Variants in USH2A observed in about 807,000 individuals in gnomAD.
USH2A encodes Usher syndrome 2A (autosomal recessive, mild).
In USH2A, 443 loss-of-function variants were observed where a neutral mutation model predicts 538.9. The ratio of observed to expected loss-of-function variants is 0.82; its 90% confidence interval spans 0.76 to 0.89. The LOEUF (loss-of-function observed/expected upper bound fraction) is 0.89. Ranked by LOEUF, USH2A falls within the 40% of genes least tolerant of loss-of-function variation. The pLI, the probability that USH2A is intolerant of heterozygous loss-of-function variation, is 0.00. For synonymous variants in USH2A, 2,413 were observed against 2,273.5 expected, an observed-to-expected ratio of 1.06 and a Z score of -1.75; for missense variants, 6,633 against 6,324.8, an observed-to-expected ratio of 1.05 and a Z score of -1.65.
intron 44 of USH2A, among the ~76,000 whole-genome samples, chr1:215,851,243 G>A (rs1664008260): frequency 6.6e-6 from 1 of 151,924 alleles, no homozygotes; most frequent in South Asian, 2.1e-4. Flanking sequence ...CAATACAAAA[G>A]ATAAATGAAA....
intron 55 of USH2A, among the ~76,000 whole-genome samples, chr1:215,767,904 CTT>C (rs1214971185): frequency 6.6e-6 from 1 of 152,080 alleles, no homozygotes; most frequent in Non-Finnish European, 1.5e-5. Context: ...CCAAAGCTCT[CTT>C]TGAGAAAAAA....
At chr1:216,006,799 G>T (rs1668402335) in intron 32 of USH2A, among the ~76,000 whole-genome samples, 1 of 152,118 alleles carries the variant, frequency 6.6e-6, no homozygotes, top group Non-Finnish European at 1.5e-5. Context: ...TGTTCAATGG[G>T]TACTGAGATC....
rs374568805 is a variant in USH2A at position 216,329,590 on chromosome 1, T to G, written c.785-1936A>C. Among the ~76,000 whole-genome samples the G allele has an allele frequency of 6.2e-4, 95 of 152,182 alleles. 1 individual carries two copies. The highest frequency in any genetic ancestry group is 2.3e-3 in the African/African-American group (94 of 41,536). On this transcript the variant is annotated intron_variant, in intron 4 of 71. Transcript: ENST00000307340. ...ATCCCTAACCATGCTCAGTTCTTCC[T>G]CTCCTAGCATCCTTTACACCCCACA... is the stretch of plus-strand genomic sequence containing the variant.
In USH2A at chr1:215,909,080, ATG is replaced by A. The variant is rs1210577937; in HGVS notation, c.7301-8177_7301-8176del. On this transcript the variant is annotated intron_variant, in intron 38 of 71. Coordinates refer to ENST00000307340, the MANE Select transcript of USH2A (RefSeq NM_206933.4). ...TAATTACATATGACTGATATAATGTATGTGTGTGTATATATATAATAATTCAT... is the reference window on the plus strand; with the variant it reads ...TAATTACATATGACTGATATAATGTATGTGTGTATATATATAATAATTCAT... 4.0e-5 allele frequency among the ~76,000 whole-genome samples: 6 copies of A among 151,016 alleles called. No individual in the cohort carries two copies. The Admixed American group carries it at 4.0e-4, about 10-fold the overall frequency.
chr1:216,088,944 A>C, intron 23 of USH2A, 69 bp downstream of exon 23: 1 of 1,596,100 alleles, frequency 6.3e-7, no homozygotes, highest in South Asian at 1.1e-5. Flanking sequence ...GTAGGAATAT[A>C]AACAACAGAA....
intron 47 of USH2A, among the ~76,000 whole-genome samples, chr1:215,832,472 T>C (rs1246262227): frequency 6.6e-5 from 10 of 151,964 alleles, no homozygotes. Flanking sequence ...ACAAACTAGT[T>C]CAATAATTTA....
chr1:216,262,945 C>T (rs2036402570), intron 11 of USH2A, among the ~76,000 whole-genome samples: 2 of 151,974 alleles, frequency 1.3e-5, no homozygotes, highest in African/African-American at 4.8e-5. Flanking sequence ...AAAAAGGAGA[C>T]ACTACAACTG....
chr1:216,333,397 T>C (rs1294887504), intron 4 of USH2A, among the ~76,000 whole-genome samples: 1 of 152,004 alleles, frequency 6.6e-6, no homozygotes, highest in Admixed American at 6.6e-5. Flanking sequence ...TACAGGTCAA[T>C]TGAGATTATT....
intron 6 of USH2A, among the ~76,000 whole-genome samples, chr1:216,324,653 G>T (rs1446379724): frequency 1.3e-5 from 2 of 152,020 alleles, no homozygotes; most frequent in South Asian, 2.1e-4. Flanking sequence ...TTTAGAAAAA[G>T]CACCTTAGTT....
intron 61 of USH2A, among the ~76,000 whole-genome samples, chr1:215,690,529 C>G (rs1277708263): frequency 6.6e-6 from 1 of 152,086 alleles, no homozygotes. Flanking sequence ...TGAGTGTAGC[C>G]TGGGCAACAT....
At chr1:215,890,584 G>T (rs558257567) in intron 40 of USH2A, among the ~76,000 whole-genome samples, 2 of 152,190 alleles carry the variant, frequency 1.3e-5, no homozygotes, top group East Asian at 3.9e-4. Flanking sequence ...CCTAAAACCA[G>T]CAGTCATGGT....
At chr1:216,390,859 C>T (rs903686868) in intron 3 of USH2A, among the ~76,000 whole-genome samples, 1 of 152,140 alleles carries the variant, frequency 6.6e-6, no homozygotes, top group Non-Finnish European at 1.5e-5. Flanking sequence ...TTAATCATTA[C>T]TCGTCAGATT....
intron 37 of USH2A, among the ~76,000 whole-genome samples, chr1:215,946,131 T>G (rs1666751797): frequency 6.6e-6 from 1 of 152,198 alleles, no homozygotes; most frequent in Non-Finnish European, 1.5e-5. Context: ...TACTTTTAGC[T>G]TTCCTGGGCC....
chr1:216,371,889 T>A (rs1289371342), intron 3 of USH2A, among the ~76,000 whole-genome samples: 1 of 152,240 alleles, frequency 6.6e-6, no homozygotes, highest in Non-Finnish European at 1.5e-5. Context: ...ACAAAATGTG[T>A]CATACTGTGA....
intron 44 of USH2A, among the ~76,000 whole-genome samples, chr1:215,857,660 G>T (rs1380055556): frequency 6.6e-6 from 1 of 152,192 alleles, no homozygotes; most frequent in Non-Finnish European, 1.5e-5. Flanking sequence ...CAATCTGAGG[G>T]TGGAGTTTTC....
At chr1:215,786,373 T>C (rs1661798865) in intron 52 of USH2A, among the ~76,000 whole-genome samples, 1 of 152,184 alleles carries the variant, frequency 6.6e-6, no homozygotes, top group Non-Finnish European at 1.5e-5. Context: ...AAAAAGGAAA[T>C]TGGATTTATT....
chr1:216,052,576 T>C (rs1183083837), intron 30 of USH2A, among the ~76,000 whole-genome samples: 1 of 152,176 alleles, frequency 6.6e-6, no homozygotes, highest in East Asian at 1.9e-4. Flanking sequence ...TCAAACCAAC[T>C]GATAATTTTC....
chr1:216,409,298 C>G (rs1193541906), intron 3 of USH2A, among the ~76,000 whole-genome samples: 1 of 152,048 alleles, frequency 6.6e-6, no homozygotes, highest in Non-Finnish European at 1.5e-5. Context: ...GTTAAAATGG[C>G]CATATTGCCC....
At chr1:216,113,148 AAAAAAAAAC>A (rs1324345099) in intron 21 of USH2A, among the ~76,000 whole-genome samples, 3 of 151,618 alleles carry the variant, frequency 2.0e-5, no homozygotes, top group Admixed American at 6.6e-5. Flanking sequence ...AAAAAAAAAA[AAAAAAAAAC>A]AAAACAAGAA....
Sources: gnomAD v4.1 joint callset for allele counts (sites outside exome capture counted in the v4.1 genomes callset) on GRCh38, gnomAD v4.1.1 for gene constraint, MANE v1.5 for transcripts, NCBI Gene and HGNC (gene_info 2026-07-23, HGNC 2026-07-21) for gene names.